LRRC8D: variants seen among roughly 807,000 people sequenced by gnomAD.
The protein encoded by LRRC8D is leucine rich repeat containing 8 VRAC subunit D, also known as volume-regulated anion channel subunit LRRC8D.
LRRC8D carries 20 observed loss-of-function variants against 55.8 expected under a neutral mutation model. That is an observed-to-expected ratio of 0.36 (90% CI 0.25 to 0.52). The LOEUF (loss-of-function observed/expected upper bound fraction) is 0.52. LRRC8D is among the 20% of genes least tolerant of loss of function. LRRC8D has a pLI of 0.93. For synonymous variants in LRRC8D, 352 were observed against 377.0 expected (o/e 0.93, Z 0.77); for missense variants, 651 against 1,030.8 (o/e 0.63, Z 5.05).
At chr1:89,881,854 G>A (rs1236035772) in intron 2 of LRRC8D, among the ~76,000 whole-genome samples, 3 of 152,204 alleles carry the variant, frequency 2.0e-5, no homozygotes, top group African/African-American at 7.2e-5. Context: ...AGAACAGCAA[G>A]GCCATGCTGA....
chr1:89,877,245 T>A (rs558125519), intron 2 of LRRC8D, among the ~76,000 whole-genome samples: 138 of 150,540 alleles, frequency 9.2e-4, no homozygotes, highest in East Asian at 8.0e-3. Context: ...TTTTTTTTTT[T>A]AAATTTGTGT....
chr1:89,828,512 G>A (rs759508673), intron 1 of LRRC8D, among the ~76,000 whole-genome samples: 3 of 152,176 alleles, frequency 2.0e-5, no homozygotes, highest in African/African-American at 7.2e-5. Flanking sequence ...CTGGAAGGTT[G>A]GCTTGTTTTT....
chr1:89,897,494 T>C (rs1662740905), intron 2 of LRRC8D, among the ~76,000 whole-genome samples: 1 of 152,200 alleles, frequency 6.6e-6, no homozygotes, highest in African/African-American at 2.4e-5. Flanking sequence ...AGATTTGAGA[T>C]TTTGAATTGG....
At chr1:89,872,697 C>T (rs997417981) in intron 2 of LRRC8D, among the ~76,000 whole-genome samples, 8 of 152,152 alleles carry the variant, frequency 5.3e-5, no homozygotes, top group African/African-American at 2.4e-5. Flanking sequence ...GACTGCATTT[C>T]CCTGAGATGA....
At chr1:89,909,354 A>C (rs1663074474) in intron 2 of LRRC8D, among the ~76,000 whole-genome samples, 1 of 152,104 alleles carries the variant, frequency 6.6e-6, no homozygotes, top group Non-Finnish European at 1.5e-5. Flanking sequence ...CATTGTTTAC[A>C]GACAGTAGCT....
intron 2 of LRRC8D, among the ~76,000 whole-genome samples, chr1:89,886,290 G>A (rs1441135685): frequency 1.3e-5 from 2 of 151,720 alleles, no homozygotes; most frequent in South Asian, 4.1e-4. Flanking sequence ...CTTCTCAAGA[G>A]CCCCGGACGG....
chr1:89,916,147 A>G (rs764404889), intron 2 of LRRC8D, among the ~76,000 whole-genome samples: 3 of 152,254 alleles, frequency 2.0e-5, no homozygotes, highest in Non-Finnish European at 2.9e-5. Context: ...GCATCATGAC[A>G]GTGGCTATCT....
chr1:89,828,595 A>C lies in LRRC8D; in HGVS notation c.-148+7304A>C, dbSNP rs564059884. On this transcript the variant is annotated intron_variant, in intron 1 of 2. Transcript: ENST00000337338. ...CCAGTTTTAAGCTGGCAATTTTGTG[A>C]TAGTCTTTCTTTTGACATTTTACTG... Among the ~76,000 whole-genome samples the C allele has an allele frequency of 2.6e-5, 4 of 151,900 alleles. No individual in the cohort carries two copies. In the South Asian group the frequency reaches 6.2e-4, roughly 24 times the overall value.
intron 1 of LRRC8D, among the ~76,000 whole-genome samples, chr1:89,826,646 C>T (rs1660771320): frequency 6.6e-6 from 1 of 152,224 alleles, no homozygotes; most frequent in Non-Finnish European, 1.5e-5. Flanking sequence ...GCATTAGAAT[C>T]TATCTGCCTT....
chr1:89,902,657 C>T (rs1261172910), intron 2 of LRRC8D, among the ~76,000 whole-genome samples: 2 of 152,018 alleles, frequency 1.3e-5, no homozygotes, highest in African/African-American at 2.4e-5. Context: ...CTGCCTCAGC[C>T]TCCCGAGTAG....
intron 1 of LRRC8D, among the ~76,000 whole-genome samples, chr1:89,826,522 G>A (rs932136834): frequency 1.3e-5 from 2 of 152,170 alleles, no homozygotes; most frequent in African/African-American, 4.8e-5. Context: ...AAAGTGCTGG[G>A]ATTACAGGCA....
Position 89,899,045 on chromosome 1 carries a change from G to C in LRRC8D, c.-2-34022G>C, listed in dbSNP as rs1249308378. Among the ~76,000 whole-genome samples, 3 of 152,336 alleles carry C rather than the reference G, an allele frequency of 2.0e-5. No individual in the cohort carries two copies. In the East Asian group the frequency reaches 5.8e-4, roughly 29 times the overall value. On this transcript the variant is annotated intron_variant, in intron 2 of 2. Coordinates refer to ENST00000337338, the MANE Select transcript of LRRC8D (RefSeq NM_001134479.2). ...TCTTAAATTTAGATCAACGAGATGA[G>C]CTCTTCAGCTTCGGAAACACCCAGG...
chr1:89,892,762 C>T (rs1662612609), intron 2 of LRRC8D, among the ~76,000 whole-genome samples: 1 of 152,162 alleles, frequency 6.6e-6, no homozygotes, highest in African/African-American at 2.4e-5. Context: ...CCTCATGATC[C>T]ACCCACCTCG....
In LRRC8D at chr1:89,935,386, A is replaced by C. The variant is rs757061371; in HGVS notation, c.2318A>C (p.Lys773Thr). The C allele has an allele frequency of 1.9e-6, 3 of 1,614,142 alleles. No homozygotes were observed. The highest frequency in any genetic ancestry group is 2.5e-6 in the Non-Finnish European group (3 of 1,180,050). The change falls in exon 3 of 3, where the codon AAA becomes ACA. Residue 773 changes from lysine (K) to threonine (T), a missense_variant. Coordinates refer to ENST00000337338, the MANE Select transcript of LRRC8D (RefSeq NM_001134479.2). Reference sequence around the variant, plus strand: ...GACATTCTGCCAAAACAATTGTTTAAATGCATAAAGTTGAGGACTTTGAAT... The same window carrying C: ...GACATTCTGCCAAAACAATTGTTTACATGCATAAAGTTGAGGACTTTGAAT... Reference protein sequence around the residue: ...KVDILPKQLFKCIKLRTLNLG... With the variant: ...KVDILPKQLFTCIKLRTLNLG...
At chr1:89,915,179 A>C (rs1043962809) in intron 2 of LRRC8D, among the ~76,000 whole-genome samples, 2 of 152,206 alleles carry the variant, frequency 1.3e-5, no homozygotes, top group Non-Finnish European at 2.9e-5. Context: ...TGGGCAAGAT[A>C]CTTTGTTGCC....
intron 2 of LRRC8D, among the ~76,000 whole-genome samples, chr1:89,917,726 G>A (rs1030726788): frequency 2.0e-5 from 3 of 152,054 alleles, no homozygotes; most frequent in Admixed American, 6.5e-5. Flanking sequence ...CAAGCTTCCT[G>A]GGATCTGAAA....
Position 89,920,689 on chromosome 1 carries a change from C to G in LRRC8D, c.-2-12378C>G, listed in dbSNP as rs146001782. ...CTTAAATAATACAGTAATACAGAGG[C>G]CTATTGGGAAAAAAAAAAAAAAAAA... On this transcript the variant is annotated intron_variant, in intron 2 of 2. Transcript: ENST00000337338. Among the ~76,000 whole-genome samples, 625 of 145,872 alleles carry G rather than the reference C, an allele frequency of 4.3e-3. 4 individuals are homozygous for G. The highest frequency in any genetic ancestry group is 0.014 in the African/African-American group (549 of 39,020).
At chr1:89,913,937 C>T (rs1663192213) in intron 2 of LRRC8D, among the ~76,000 whole-genome samples, 1 of 152,196 alleles carries the variant, frequency 6.6e-6, no homozygotes, top group Non-Finnish European at 1.5e-5. Context: ...CTGTTTCCTG[C>T]TTTATGCAGT....
chr1:89,900,538 A>C (rs926899720), intron 2 of LRRC8D, among the ~76,000 whole-genome samples: 4 of 152,226 alleles, frequency 2.6e-5, no homozygotes, highest in African/African-American at 9.6e-5. Flanking sequence ...GACTAAAAAT[A>C]AATCTTAGTT....
Sources: allele counts gnomAD v4.1 joint callset (sites outside exome capture counted in the v4.1 genomes callset), GRCh38; gene constraint gnomAD v4.1.1; transcripts MANE v1.5; gene names NCBI Gene and HGNC (gene_info 2026-07-23, HGNC 2026-07-21).